PARN: variants seen among roughly 807,000 people sequenced by gnomAD.
The protein encoded by PARN is poly(A)-specific ribonuclease.
Under a neutral mutation model 102.8 loss-of-function variants are expected in PARN, and 71 were observed. That is an observed-to-expected ratio of 0.69 (90% CI 0.57 to 0.84). The LOEUF (loss-of-function observed/expected upper bound fraction) is 0.84. PARN is among the 40% of genes least tolerant of loss of function. The pLI is 0.00. For synonymous variants in PARN, 261 were observed against 252.9 expected, an observed-to-expected ratio of 1.03 and a Z score of -0.30; for missense variants, 782 against 760.9, an observed-to-expected ratio of 1.03 and a Z score of -0.33.
intron 3 of PARN, among the ~76,000 whole-genome samples, chr16:14,627,853 A>G (rs1273450141): frequency 1.3e-5 from 2 of 152,184 alleles, no homozygotes; most frequent in Non-Finnish European, 2.9e-5. Context: ...AAAAAAAATA[A>G]TAATAATTGG....
intron 9 of PARN, 199 bp downstream of exon 9, chr16:14,608,082 A>C (rs1294587391): frequency 8.8e-6 from 5 of 571,114 alleles, no homozygotes; most frequent in Admixed American, 3.7e-5. Flanking sequence ...TATTTTAAGA[A>C]GCCTTAAAGC....
intron 22 of PARN, among the ~76,000 whole-genome samples, chr16:14,455,034 G>A (rs1163063058): frequency 2.6e-5 from 4 of 152,290 alleles, no homozygotes; most frequent in Middle Eastern, 3.4e-3. Flanking sequence ...TAAAAACACA[G>A]TAGCACCAAA....
chr16:14,533,213 G>C (rs1378443176), intron 21 of PARN, among the ~76,000 whole-genome samples: 2 of 152,094 alleles, frequency 1.3e-5, no homozygotes, highest in Admixed American at 1.3e-4. Context: ...AGACCAGCCC[G>C]GCCAACACAG....
At chr16:14,448,629 G>A (rs1316055017) in intron 22 of PARN, among the ~76,000 whole-genome samples, 2 of 152,182 alleles carry the variant, frequency 1.3e-5, no homozygotes, top group Non-Finnish European at 1.5e-5. Context: ...AAAAACTCTG[G>A]CTACCTAAAT....
chr16:14,618,656 CAAAA>C (rs1181174251), intron 5 of PARN, among the ~76,000 whole-genome samples: 1 of 88,400 alleles, frequency 1.1e-5, no homozygotes, highest in Non-Finnish European at 2.4e-5. Context: ...AAGACTGTCT[CAAAA>C]AAAAAAAAAA....
At chr16:14,577,627 C>A (rs550970958) in intron 18 of PARN, among the ~76,000 whole-genome samples, 1 of 152,252 alleles carries the variant, frequency 6.6e-6, no homozygotes, top group African/African-American at 2.4e-5. Context: ...AGCCACGGCA[C>A]CTGGTCCAGA....
chr16:14,454,569 G>A (rs949518276), intron 22 of PARN, among the ~76,000 whole-genome samples: 5 of 151,994 alleles, frequency 3.3e-5, no homozygotes, highest in East Asian at 3.9e-4. Context: ...TCTATGAGTC[G>A]CTTCAAGTTC....
intron 11 of PARN, among the ~76,000 whole-genome samples, chr16:14,600,992 T>C (rs1156295241): frequency 6.6e-6 from 1 of 152,036 alleles, no homozygotes; most frequent in East Asian, 1.9e-4. Flanking sequence ...TTTGCAAGGA[T>C]GTAGAGAAAC....
intron 21 of PARN, among the ~76,000 whole-genome samples, chr16:14,512,757 C>G (rs1965264594): frequency 6.6e-6 from 1 of 152,138 alleles, no homozygotes; most frequent in Non-Finnish European, 1.5e-5. Context: ...GCCTTATTGC[C>G]TCTGATATGT....
intron 6 of PARN, among the ~76,000 whole-genome samples, chr16:14,611,203 AAGT>A (rs1327214780): frequency 6.6e-6 from 1 of 152,168 alleles, no homozygotes; most frequent in East Asian, 1.9e-4. Context: ...TAGGGGAAAC[AAGT>A]ATTAATACCC....
intron 23 of PARN, among the ~76,000 whole-genome samples, chr16:14,445,928 T>C (rs546297276): frequency 2.0e-4 from 30 of 152,322 alleles, no homozygotes; most frequent in African/African-American, 7.0e-4. Context: ...CATAACCCTT[T>C]GGGCCTCCGT....
In PARN at chr16:14,496,767, G is replaced by A. The variant is rs536194326; in HGVS notation, c.1481-13940C>T. On this transcript the variant is annotated intron_variant, in intron 21 of 23. Transcript: ENST00000437198. Reference sequence around the variant, plus strand: ...AGGTCTGCTTATTACATATTACAAAGAAGTACAAACAGATACCAATCATGG... The same window carrying A: ...AGGTCTGCTTATTACATATTACAAAAAAGTACAAACAGATACCAATCATGG... 2.0e-5 allele frequency among the ~76,000 whole-genome samples: 3 copies of A among 152,258 alleles called. No homozygotes were observed. The South Asian group carries it at 6.2e-4, about 32-fold the overall frequency.
At chr16:14,536,358 C>A (rs970214874) in intron 21 of PARN, among the ~76,000 whole-genome samples, 3 of 152,006 alleles carry the variant, frequency 2.0e-5, no homozygotes, top group African/African-American at 7.2e-5. Flanking sequence ...TATCTACTGA[C>A]AAAAACAACG....
At chr16:14,622,398 T>C (rs1972365187) in intron 5 of PARN, among the ~76,000 whole-genome samples, 1 of 152,212 alleles carries the variant, frequency 6.6e-6, no homozygotes, top group African/African-American at 2.4e-5. Flanking sequence ...CTGGAAAGCC[T>C]CCAAATTTCA....
chr16:14,619,906 C>T (rs564046491), intron 5 of PARN, among the ~76,000 whole-genome samples: 2 of 151,366 alleles, frequency 1.3e-5, no homozygotes, highest in South Asian at 2.1e-4. Flanking sequence ...CCCGTCTCTA[C>T]TAAAAATACA....
At chr16:14,606,173 G>A (rs889731313) in intron 10 of PARN, among the ~76,000 whole-genome samples, 3 of 152,140 alleles carry the variant, frequency 2.0e-5, no homozygotes, top group African/African-American at 7.2e-5. Flanking sequence ...GCCGAGGCGG[G>A]CAAATTGTTT....
chr16:14,458,213 A>G (rs113500691), intron 22 of PARN, among the ~76,000 whole-genome samples: 6 of 152,214 alleles, frequency 3.9e-5, no homozygotes, highest in Non-Finnish European at 7.3e-5. Context: ...AAAATATATT[A>G]TCAATATACA....
At chr16:14,499,335 C>T (rs993829587) in intron 21 of PARN, among the ~76,000 whole-genome samples, 1 of 151,954 alleles carries the variant, frequency 6.6e-6, no homozygotes, top group Non-Finnish European at 1.5e-5. Flanking sequence ...AGGGAGAGAG[C>T]GGGACAGAGA....
intron 5 of PARN, among the ~76,000 whole-genome samples, chr16:14,618,870 C>G (rs969780832): frequency 2.6e-5 from 4 of 151,962 alleles, no homozygotes; most frequent in African/African-American, 9.7e-5. Flanking sequence ...AATGAAAGCC[C>G]AAAATCTTAA....
Sources: gnomAD v4.1 joint callset for allele counts (sites outside exome capture counted in the v4.1 genomes callset) on GRCh38, gnomAD v4.1.1 for gene constraint, MANE v1.5 for transcripts, NCBI Gene and HGNC (gene_info 2026-07-23, HGNC 2026-07-21) for gene names.